Variants in PHF24 observed in about 807,000 individuals in gnomAD.
The protein encoded by PHF24 is PHD finger protein 24.
In PHF24, 25 loss-of-function variants were observed where a neutral mutation model predicts 42.6. The ratio of observed to expected loss-of-function variants is 0.59; its 90% CI spans 0.43 to 0.82. The LOEUF (loss-of-function observed/expected upper bound fraction) is 0.82, where lower values mean the gene tolerates loss of function less well. Among genes scored for constraint, PHF24 ranks in the 40% least tolerant of loss-of-function variants. PHF24 has a pLI of 0.00. For synonymous variants in PHF24, 185 were observed against 204.8 expected (o/e 0.90, Z 0.83); for missense variants, 470 against 538.1 (o/e 0.87, Z 1.25).
At chr9:34,903,955 G>A in the PHF24 span, among the ~76,000 whole-genome samples, 1 of 152,152 alleles carries the variant, frequency 6.6e-6, no homozygotes, top group Non-Finnish European at 1.5e-5. Context: ...TGTAAGGGAG[G>A]TTGAGTTCTT....
the PHF24 span, among the ~76,000 whole-genome samples, chr9:34,885,370 G>C: frequency 6.6e-6 from 1 of 152,180 alleles, no homozygotes; most frequent in Admixed American, 6.5e-5. Flanking sequence ...AGAAAGTCCT[G>C]CCACCTCCTC....
chr9:34,898,306 T>C, the PHF24 span, among the ~76,000 whole-genome samples: 5 of 152,316 alleles, frequency 3.3e-5, no homozygotes, highest in Admixed American at 2.6e-4. Context: ...GTAGAGGCGT[T>C]CCCTTATTGC....
the PHF24 span, among the ~76,000 whole-genome samples, chr9:34,836,588 A>G: frequency 6.6e-6 from 1 of 152,170 alleles, no homozygotes; most frequent in Non-Finnish European, 1.5e-5. Context: ...TAGAAATCTT[A>G]AGAGGATAAG....
rs911634236 is a variant in PHF24 at position 34,977,263 on chromosome 9, T to C, written c.1010+20T>C. 1 of 1,569,886 alleles carries C rather than the reference T, an allele frequency of 6.4e-7. No homozygotes were observed. Among genetic ancestry groups the C allele is most frequent in the African/African-American group, 1.4e-5 (1 of 73,502 alleles). ...TGTCAGGTCTGCTCCTTACCAGTCC[T>C]GGTCCCCACTCAGCCTCTCCTCCTC... On this transcript the variant is annotated intron_variant, in intron 6 of 7. Transcript: ENST00000242315.
chr9:34,698,884 T>C, the PHF24 span, among the ~76,000 whole-genome samples: 127 of 152,344 alleles, frequency 8.3e-4, no homozygotes, highest in Non-Finnish European at 1.6e-3. Context: ...CTGTGGCAGA[T>C]AAGGGTGTGC....
the PHF24 span, among the ~76,000 whole-genome samples, chr9:34,692,939 A>G: frequency 6.6e-6 from 1 of 151,906 alleles, no homozygotes; most frequent in Non-Finnish European, 1.5e-5. Flanking sequence ...GGCACCCACC[A>G]TCATGCCCGG....
At chr9:34,841,085 C>T in the PHF24 span, among the ~76,000 whole-genome samples, 30 of 152,150 alleles carry the variant, frequency 2.0e-4, no homozygotes, top group African/African-American at 5.5e-4. Flanking sequence ...CTGCAAGCTC[C>T]GCCTCCCGGG....
the PHF24 span, among the ~76,000 whole-genome samples, chr9:34,750,393 G>A: frequency 1.3e-5 from 2 of 151,912 alleles, no homozygotes; most frequent in South Asian, 4.1e-4. Context: ...AGGAGGGTGT[G>A]GCATGAGAAT....
the PHF24 span, chr9:34,729,531 C>T: frequency 7.8e-7 from 1 of 1,287,128 alleles, no homozygotes; most frequent in Non-Finnish European, 1.0e-6. Flanking sequence ...GTCCACCTCA[C>T]AGAGGACGGA....
the PHF24 span, among the ~76,000 whole-genome samples, chr9:34,737,818 T>C: frequency 2.0e-5 from 3 of 152,238 alleles, no homozygotes; most frequent in Non-Finnish European, 4.4e-5. Context: ...GCTTTTACTG[T>C]AACTTGTCAC....
chr9:34,682,936 T>C, the PHF24 span, among the ~76,000 whole-genome samples: 18 of 152,322 alleles, frequency 1.2e-4, 1 homozygote, highest in East Asian at 3.1e-3. Flanking sequence ...CTGGTGAGGC[T>C]TGGGGCAATA....
chr9:34,951,340 G>A, the PHF24 span, among the ~76,000 whole-genome samples: 1 of 152,182 alleles, frequency 6.6e-6, no homozygotes, highest in Non-Finnish European at 1.5e-5. Flanking sequence ...ATATGGCAAA[G>A]GGGTCTTTGC....
chr9:34,889,055 A>G, the PHF24 span: 1 of 398,554 alleles, frequency 2.5e-6, no homozygotes, highest in Non-Finnish European at 4.4e-6. Flanking sequence ...GGAGGCACAA[A>G]CAGGTGGCTC....
the PHF24 span, among the ~76,000 whole-genome samples, chr9:34,682,123 T>C: frequency 4.0e-5 from 6 of 150,782 alleles, no homozygotes; most frequent in Non-Finnish European, 5.9e-5. Flanking sequence ...TACAGGCACC[T>C]GCCACCACAC....
At chr9:34,680,715 A>AAT in the PHF24 span, among the ~76,000 whole-genome samples, 2,623 of 109,706 alleles carry the variant, frequency 0.024, 90 homozygotes, top group African/African-American at 0.067. Context: ...AATAAAAAAA[A>AAT]AAATAAAATA....
chr9:34,729,961 A>G, the PHF24 span, among the ~76,000 whole-genome samples: 2,014 of 152,288 alleles, frequency 0.013, 23 homozygotes, highest in Admixed American at 0.029. Context: ...ACAGAGGTGC[A>G]GGAAGGGGAC....
the PHF24 span, among the ~76,000 whole-genome samples, chr9:34,700,965 G>A: frequency 5.3e-5 from 8 of 152,184 alleles, no homozygotes; most frequent in African/African-American, 1.9e-4. Flanking sequence ...CTGGAGGTCA[G>A]GGAGGTGTTT....
chr9:34,735,473 T>G, the PHF24 span, among the ~76,000 whole-genome samples: 1 of 151,168 alleles, frequency 6.6e-6, no homozygotes, highest in African/African-American at 2.4e-5. Flanking sequence ...TTACAAGGCA[T>G]ATGAAAAAGC....
chr9:34,716,904 C>T, the PHF24 span, among the ~76,000 whole-genome samples: 4 of 152,162 alleles, frequency 2.6e-5, no homozygotes, highest in African/African-American at 4.8e-5. Flanking sequence ...TCACTGCACC[C>T]GGCCTGGTTT....
Sources: allele counts gnomAD v4.1 joint callset (sites outside exome capture counted in the v4.1 genomes callset), GRCh38; gene constraint gnomAD v4.1.1; transcripts MANE v1.5; gene names NCBI Gene and HGNC (gene_info 2026-07-23, HGNC 2026-07-21).